The following KLHL6 variants were observed in gnomAD, a reference collection of about 807,000 sequenced individuals.
KLHL6 encodes the protein kelch-like protein 6.
In KLHL6, 41 loss-of-function variants were observed where a neutral mutation model predicts 58.6. The ratio of observed to expected loss-of-function variants is 0.70; its 90% CI spans 0.55 to 0.91. The LOEUF is 0.91. Among genes scored for constraint, KLHL6 ranks in the 40% least tolerant of loss-of-function variants. The probability of loss-of-function intolerance (pLI) is 0.00; values close to 1 mark genes in which losing one functional copy is unlikely to be tolerated. For missense variants in KLHL6, 714 were observed against 805.6 expected (o/e 0.89, Z 1.38); for synonymous variants, 338 against 322.7 (o/e 1.05, Z -0.51).
At chr3:183,495,311 CTTTTA>C (rs1717685349) in intron 4 of KLHL6, among the ~76,000 whole-genome samples, 1 of 152,030 alleles carries the variant, frequency 6.6e-6, no homozygotes, top group Non-Finnish European at 1.5e-5. Context: ...TGTTTTCTTT[CTTTTA>C]TTTATTTATT....
intron 2 of KLHL6, among the ~76,000 whole-genome samples, chr3:183,524,581 A>C (rs571829271): frequency 3.9e-5 from 6 of 152,324 alleles, no homozygotes; most frequent in Admixed American, 3.9e-4. Context: ...ACTGGCCAGC[A>C]GCTCATGACG....
chr3:183,504,331 G>T (rs1441979735), intron 3 of KLHL6, among the ~76,000 whole-genome samples: 1 of 152,184 alleles, frequency 6.6e-6, no homozygotes, highest in African/African-American at 2.4e-5. Context: ...GCATAGCTAA[G>T]TAACTGCCTG....
At chr3:183,510,841 C>T (rs1458826471) in intron 2 of KLHL6, among the ~76,000 whole-genome samples, 3 of 146,832 alleles carry the variant, frequency 2.0e-5, no homozygotes, top group African/African-American at 7.4e-5. Flanking sequence ...TCATTGCACT[C>T]TAGCCCGGGC....
In KLHL6 at chr3:183,492,089, C is replaced by T; in HGVS notation, c.1704G>A (p.Glu568=). The part of the protein sequence containing the change: ...NRLYITGGRD[E]KNEVIATVLC... ...GCACCGTGGCGATAACCTCGTTCTT[C>T]TCGTCCCGCCCGCCGGTGATGTAGA... Residue 568 remains glutamate (E), a synonymous_variant, in exon 7 of 7, where the codon GAG becomes GAA. Coordinates refer to ENST00000341319, the MANE Select transcript of KLHL6 (RefSeq NM_130446.4). This position sits in a 1 kb window ranked among gnomAD's most constrained non-coding sequence, Gnocchi z 5.9. 1.2e-6 allele frequency: 2 copies of T among 1,613,862 alleles called. No homozygotes were observed. Among genetic ancestry groups the T allele is most frequent in the Non-Finnish European group, 1.7e-6 (2 of 1,180,012 alleles).
chr3:183,542,564 C>A (rs561389397), intron 1 of KLHL6, among the ~76,000 whole-genome samples: 1 of 152,278 alleles, frequency 6.6e-6, no homozygotes, highest in South Asian at 2.1e-4. Flanking sequence ...TGCCAGGAAG[C>A]CTTCTCAGAC....
chr3:183,517,363 C>T (rs971360921), intron 2 of KLHL6, among the ~76,000 whole-genome samples: 2 of 152,186 alleles, frequency 1.3e-5, no homozygotes, highest in Non-Finnish European at 2.9e-5. Context: ...CCATCCTCAC[C>T]TCTCTTCCCC....
intron 4 of KLHL6, among the ~76,000 whole-genome samples, chr3:183,496,876 AC>A (rs1314926538): frequency 6.6e-5 from 10 of 152,314 alleles, no homozygotes; most frequent in African/African-American, 2.2e-4. Flanking sequence ...AGTGGCTCGC[AC>A]CTGTAATCCC....
rs992837968 is a variant in KLHL6 at position 183,499,250 on chromosome 3, G to A, written c.1147+340C>T. 1.3e-5 allele frequency among the ~76,000 whole-genome samples: 2 copies of A among 152,082 alleles called. No individual in the cohort carries two copies. The highest frequency in any genetic ancestry group is 2.4e-5 in the African/African-American group (1 of 41,424). On this transcript the variant is annotated intron_variant, in intron 4 of 6. Coordinates refer to ENST00000341319, the MANE Select transcript of KLHL6 (RefSeq NM_130446.4). This position sits in a 1 kb window ranked among gnomAD's most constrained non-coding sequence, Gnocchi z 4.6. ...AATCCCAGCTACTCGGGAGGGTGAGGCAGGAGGGTCACTTGAACTCGGGAG... is the reference window on the plus strand; with the variant it reads ...AATCCCAGCTACTCGGGAGGGTGAGACAGGAGGGTCACTTGAACTCGGGAG...
chr3:183,536,226 C>T (rs1712361678), intron 1 of KLHL6, among the ~76,000 whole-genome samples: 1 of 152,204 alleles, frequency 6.6e-6, no homozygotes, highest in South Asian at 2.1e-4. Context: ...GGAAGCCCAG[C>T]AAGACAAAAG....
At position 183,494,220 on chromosome 3, in the gene KLHL6, C is replaced by T; in HGVS notation, c.1209G>A (p.Gln403=). The T allele has an allele frequency of 6.2e-7, 1 of 1,614,124 alleles. No homozygotes were observed. The highest frequency in any genetic ancestry group is 8.5e-7 in the Non-Finnish European group (1 of 1,179,968). The change falls in exon 5 of 7, where the codon CAG becomes CAA. Residue 403 remains glutamine, a synonymous_variant. Transcript: ENST00000341319. The part of the protein sequence containing the change: ...KYNSSINKWI[Q]IEYLNIGRWR... ...AGCGGCCTATGTTTAAATACTCAAT[C>T]TGAATCCACTTGTTGATCGAAGAAT...
At chr3:183,530,345 G>A (rs1712114531) in intron 1 of KLHL6, among the ~76,000 whole-genome samples, 1 of 152,172 alleles carries the variant, frequency 6.6e-6, no homozygotes, top group Non-Finnish European at 1.5e-5. Context: ...ATGGAAATGA[G>A]GAACACGTAT....
intron 2 of KLHL6, among the ~76,000 whole-genome samples, chr3:183,527,103 A>AC (rs980574069): frequency 1.3e-5 from 2 of 152,000 alleles, no homozygotes; most frequent in Admixed American, 1.3e-4. Context: ...TCTCTAAAAA[A>AC]AAAAACAAAA....
chr3:183,506,265 A>G (rs1717998431), intron 3 of KLHL6, among the ~76,000 whole-genome samples: 1 of 152,224 alleles, frequency 6.6e-6, no homozygotes, highest in African/African-American at 2.4e-5. Flanking sequence ...TTCTTCAGGA[A>G]TTGTTAAGGA....
intron 2 of KLHL6, among the ~76,000 whole-genome samples, chr3:183,513,896 G>C (rs1718257669): frequency 6.6e-6 from 1 of 152,074 alleles, no homozygotes; most frequent in Admixed American, 6.6e-5. Context: ...ACAGGCCCCA[G>C]TGTGTGATGT....
At chr3:183,511,855 G>T (rs967393380) in intron 2 of KLHL6, among the ~76,000 whole-genome samples, 1 of 152,154 alleles carries the variant, frequency 6.6e-6, no homozygotes, top group Non-Finnish European at 1.5e-5. Context: ...CAGGGTACAG[G>T]TCAAAATGGA....
chr3:183,492,292 A>C lies in KLHL6; in HGVS notation c.1565-64T>G. On this transcript the variant is annotated intron_variant, in intron 6 of 6. Coordinates refer to ENST00000341319, the MANE Select transcript of KLHL6 (RefSeq NM_130446.4). This position sits in a 1 kb window ranked among gnomAD's most constrained non-coding sequence, Gnocchi z 5.9. ...TTTTCTGGTTTCTTCCCTCTTAACC[A>C]CTAAAATTCAACTTCTGATTAGGCC... is the stretch of plus-strand genomic sequence containing the variant. The C allele has an allele frequency of 6.9e-7, 1 of 1,440,988 alleles. No individual in the cohort carries two copies. Among genetic ancestry groups the C allele is most frequent in the Non-Finnish European group, 9.3e-7 (1 of 1,073,324 alleles). The allele number at this position is 1,440,988 out of a possible 1,614,324, so 89.3% of individuals were successfully genotyped here. A position where few individuals can be genotyped will look rare whatever the true frequency, so the allele number is the denominator to read the frequency against.
At chr3:183,517,474 G>T (rs1215816318) in intron 2 of KLHL6, among the ~76,000 whole-genome samples, 1 of 152,150 alleles carries the variant, frequency 6.6e-6, no homozygotes, top group Non-Finnish European at 1.5e-5. Context: ...TTCAGTCCTT[G>T]CTCTAGACTT....
In KLHL6 at chr3:183,508,350, G is replaced by C; in HGVS notation, c.618C>G (p.Asn206Lys). 1 of 1,614,222 alleles carries C rather than the reference G, an allele frequency of 6.2e-7. No individual in the cohort carries two copies. The highest frequency in any genetic ancestry group is 8.5e-7 in the Non-Finnish European group (1 of 1,180,034). Reference protein sequence around the residue: ...YIIQNFVQILNSEEFLDLPVD... With the variant: ...YIIQNFVQILKSEEFLDLPVD... ...CGGGCAGGTCAAGAAACTCCTCAGA[G>C]TTCAGAATCTGCACAAAGTTTTGAA... The change falls in exon 3 of 7, where the codon AAC becomes AAG. Residue 206 changes from asparagine to lysine, a missense_variant. Asn to Lys is a moderately conservative substitution (Grantham distance 94). This residue lies in a region of KLHL6 where 510 missense variants were observed against 629.7 expected (regional missense o/e 0.81). Coordinates refer to ENST00000341319, the MANE Select transcript of KLHL6 (RefSeq NM_130446.4).
At chr3:183,501,556 C>T (rs1282238900) in intron 3 of KLHL6, among the ~76,000 whole-genome samples, 1 of 152,194 alleles carries the variant, frequency 6.6e-6, no homozygotes, top group Non-Finnish European at 1.5e-5. Flanking sequence ...ACCCAGTAAC[C>T]TGTTGGGTGA....
Sources: allele counts gnomAD v4.1 joint callset (sites outside exome capture counted in the v4.1 genomes callset), GRCh38; gene constraint gnomAD v4.1.1; regional missense constraint gnomAD v4.1.1; non-coding constraint Gnocchi (gnomAD v3.1); transcripts MANE v1.5; gene names NCBI Gene and HGNC (gene_info 2026-07-23, HGNC 2026-07-21).